The following MOG variants were observed in gnomAD, a reference collection of about 807,000 sequenced individuals.
MOG encodes myelin oligodendrocyte glycoprotein, also known as myelin-oligodendrocyte glycoprotein.
A neutral mutation model predicts 35.9 loss-of-function variants in MOG; 20 were observed. The observed-to-expected ratio is 0.56, with a 90% CI of 0.39 to 0.81. MOG has a LOEUF of 0.81. MOG is among the 30% of genes least tolerant of loss of function. The pLI is 0.00. For synonymous variants in MOG, 92 were observed against 114.3 expected (o/e 0.80, Z 1.25); for missense variants, 251 against 301.0 (o/e 0.83, Z 1.23).
chr6:29,667,957 C>T (rs1161013715), intron 5 of MOG, 33 bp downstream of exon 5: 1 of 1,611,364 alleles, frequency 6.2e-7, no homozygotes, highest in Non-Finnish European at 8.5e-7. Context: ...CCTCCCAGGT[C>T]AACTTGGTAT....
At chr6:29,661,175 G>T (rs184130677) in intron 2 of MOG, among the ~76,000 whole-genome samples, 1 of 152,182 alleles carries the variant, frequency 6.6e-6, no homozygotes, top group South Asian at 2.1e-4. Context: ...AGAGCCTGGG[G>T]GTCAGATCCT....
At chr6:29,661,996 T>C in intron 2 of MOG, 1 of 985,402 alleles carries the variant, frequency 1.0e-6, no homozygotes, top group Non-Finnish European at 1.2e-6. Context: ...TGTCTAGGCT[T>C]TGGAGCCAGG....
chr6:29,669,284 ATTTCTTTC>A (rs71820879), intron 5 of MOG, among the ~76,000 whole-genome samples: 7,546 of 151,006 alleles, frequency 0.05, 317 homozygotes, highest in East Asian at 0.17. Context: ...ATAACCTGTA[ATTTCTTTC>A]TTTCTTTCTT....
chr6:29,660,707 CTT>C (rs9278230), intron 2 of MOG, among the ~76,000 whole-genome samples: 73 of 141,268 alleles, frequency 5.2e-4, no homozygotes, highest in African/African-American at 1.7e-3. Flanking sequence ...TGCAGAATTT[CTT>C]TTTTTTTTTC....
Position 29,659,477 on chromosome 6 carries a change from G to T in MOG, c.247G>T (p.Gly83Cys). Residue 83 changes from glycine (G) to cysteine (C), a missense_variant, in exon 2 of 8, where the codon GGC (glycine) becomes TGC (cysteine). Transcript: ENST00000376917. ...FSRVVHLYRN[G>C]KDQDGDQAPE... ...TAGGGTGGTTCATCTCTACAGAAATGGCAAGGACCAAGATGGAGACCAGGC... is the reference window on the plus strand; with the variant it reads ...TAGGGTGGTTCATCTCTACAGAAATTGCAAGGACCAAGATGGAGACCAGGC... 4 of 1,613,074 alleles carry T rather than the reference G, an allele frequency of 2.5e-6. No individual in the cohort carries two copies. The highest frequency in any genetic ancestry group is 2.5e-6 in the Non-Finnish European group (3 of 1,180,034).
chr6:29,670,834 G>A lies in MOG; in HGVS notation c.730+113G>A, dbSNP rs760303785. 1 of 1,581,992 alleles carries A rather than the reference G, an allele frequency of 6.3e-7. No individual in the cohort carries two copies. The highest frequency in any genetic ancestry group is 1.1e-5 in the South Asian group (1 of 87,816). The stretch of plus-strand genomic sequence containing the variant: ...GGGATCACATTCCCAGAGGAAAGGA[G>A]GAGCTGGAGAGCCTGGGTGGAGGGA... On this transcript the variant is annotated intron_variant, in intron 7 of 7. Coordinates refer to ENST00000376917, the MANE Select transcript of MOG (RefSeq NM_206809.4). The surrounding 1 kb of genome is among the most constrained non-coding windows in gnomAD (Gnocchi z 4.2).
Position 29,662,612 on chromosome 6 carries a change from C to A in MOG, c.436+2946C>A, listed in dbSNP as rs1315651634. Reference sequence around the variant, plus strand: ...CCGGCTCCCCACTCATTACCACCCTCCCCTACTCAATTACTGAGGTAAATC... The same window carrying A: ...CCGGCTCCCCACTCATTACCACCCTACCCTACTCAATTACTGAGGTAAATC... On this transcript the variant is annotated intron_variant, in intron 2 of 7. Transcript: ENST00000376917. This position sits in a 1 kb window ranked among gnomAD's most constrained non-coding sequence, Gnocchi z 4.2. Among the ~76,000 whole-genome samples the A allele has an allele frequency of 6.6e-6, 1 of 152,184 alleles. No homozygotes were observed. The highest frequency in any genetic ancestry group is 2.4e-5 in the African/African-American group (1 of 41,448).
At chr6:29,657,573 T>G (rs1767388804) in intron 1 of MOG, among the ~76,000 whole-genome samples, 1 of 150,880 alleles carries the variant, frequency 6.6e-6, no homozygotes, top group East Asian at 1.9e-4. Flanking sequence ...AACCTCAGCC[T>G]CCCTGGTTCA....
At chr6:29,664,421 G>T (rs41291774) in intron 2 of MOG, among the ~76,000 whole-genome samples, 1 of 151,892 alleles carries the variant, frequency 6.6e-6, no homozygotes. Context: ...TGGCCAAGCC[G>T]GTCTCGAACT....
At position 29,664,210 on chromosome 6, in the gene MOG, A is replaced by AT. The variant is rs551437905; in HGVS notation, c.437-1939dup. On this transcript the variant is annotated intron_variant, in intron 2 of 7. Transcript: ENST00000376917. ...TTTTTCTTTTTTCTTTTATTTATTT[A>AT]TTTATTTTTTTTTTGAGATGGAGTT... Among the ~76,000 whole-genome samples, 251 of 145,580 alleles carry AT rather than the reference A, an allele frequency of 1.7e-3. 1 individual carries two copies. The highest frequency in any genetic ancestry group is 3.8e-3 in the African/African-American group (146 of 38,144).
intron 2 of MOG, 151 bp from the exon 3 acceptor site, chr6:29,666,001 G>T: frequency 1.4e-6 from 1 of 730,052 alleles, no homozygotes. Context: ...TTTCCTTCAG[G>T]GCTAAGCTCA....
In MOG at chr6:29,670,709, C is replaced by T. The variant is rs1193782059; in HGVS notation, c.718C>T (p.Leu240Phe). ...TTTCTTTTTGTTTTCAGGGCAATTCCTTGAAGAGCTACGTAAGTTCTCTTC... is the reference window on the plus strand; with the variant it reads ...TTTCTTTTTGTTTTCAGGGCAATTCTTTGAAGAGCTACGTAAGTTCTCTTC... Reference protein sequence around the residue: ...WLHRRLAGQFLEELRNPF With the variant: ...WLHRRLAGQFFEELRNPF Residue 240 changes from leucine to phenylalanine, a missense_variant, in exon 7 of 8, where the codon CTT becomes TTT. Transcript: ENST00000376917. This position sits in a 1 kb window ranked among gnomAD's most constrained non-coding sequence, Gnocchi z 4.2. 6 of 1,612,568 alleles carry T rather than the reference C, an allele frequency of 3.7e-6. No homozygotes were observed. The highest frequency in any genetic ancestry group is 5.1e-6 in the Non-Finnish European group (6 of 1,179,802).
Position 29,671,454 on chromosome 6 carries a change from C to A in MOG, c.*269C>A. ...CCTGGAAGCCCTCTCTGGCTAAGGA[C>A]AGGCAGGTGCCCCTCTCTCCATCAG... On this transcript the variant is annotated 3_prime_UTR_variant, in exon 8 of 8. Coordinates refer to ENST00000376917, the MANE Select transcript of MOG (RefSeq NM_206809.4). 3 of 1,580,712 alleles carry A rather than the reference C, an allele frequency of 1.9e-6. No homozygotes were observed. Among genetic ancestry groups the A allele is most frequent in the South Asian group, 2.2e-5 (2 of 90,382 alleles).
At chr6:29,668,971 A>G (rs1770815276) in intron 5 of MOG, among the ~76,000 whole-genome samples, 1 of 149,558 alleles carries the variant, frequency 6.7e-6, no homozygotes, top group Non-Finnish European at 1.5e-5. Context: ...CTTGTCACCC[A>G]GGCTGGAGTG....
At chr6:29,659,186 C>A in intron 1 of MOG, 133 bp from the exon 2 acceptor site, 1 of 773,580 alleles carries the variant, frequency 1.3e-6, no homozygotes. Flanking sequence ...TGCAATCCTC[C>A]CTGGCTCTAG....
At chr6:29,665,795 T>C (rs1770086463) in intron 2 of MOG, among the ~76,000 whole-genome samples, 1 of 151,892 alleles carries the variant, frequency 6.6e-6, no homozygotes, top group Non-Finnish European at 1.5e-5. Context: ...ATTTTAATTA[T>C]GCTTGTAGGC....
chr6:29,661,460 C>T, intron 2 of MOG: 9 of 985,326 alleles, frequency 9.1e-6, no homozygotes, highest in Non-Finnish European at 1.1e-5. Flanking sequence ...TTTCTCCTTC[C>T]TGCTCAACAA....
At position 29,670,965 on chromosome 6, in the gene MOG, C is replaced by T. The variant is rs1429680567; in HGVS notation, c.731-207C>T. On this transcript the variant is annotated intron_variant, in intron 7 of 7. Coordinates refer to ENST00000376917, the MANE Select transcript of MOG (RefSeq NM_206809.4). The surrounding 1 kb of genome is among the most constrained non-coding windows in gnomAD (Gnocchi z 4.2). The stretch of plus-strand genomic sequence containing the variant: ...CCTATCTGCCACCTGATCCATTCCT[C>T]CTTCACTGCCCCTAAGCAGGAATCC... 5.0e-6 allele frequency: 8 copies of T among 1,612,124 alleles called. No homozygotes were observed. The South Asian group carries it at 8.8e-5, about 18-fold the overall frequency.
At position 29,671,456 on chromosome 6, in the gene MOG, G is replaced by A; in HGVS notation, c.*271G>A. On this transcript the variant is annotated 3_prime_UTR_variant, in exon 8 of 8. Coordinates refer to ENST00000376917, the MANE Select transcript of MOG (RefSeq NM_206809.4). ...TGGAAGCCCTCTCTGGCTAAGGACAGGCAGGTGCCCCTCTCTCCATCAGAG... is the reference window on the plus strand; with the variant it reads ...TGGAAGCCCTCTCTGGCTAAGGACAAGCAGGTGCCCCTCTCTCCATCAGAG... 1.3e-6 allele frequency: 2 copies of A among 1,579,554 alleles called. No individual in the cohort carries two copies. The highest frequency in any genetic ancestry group is 1.7e-6 in the Non-Finnish European group (2 of 1,149,796).
Sources: allele counts gnomAD v4.1 joint callset (sites outside exome capture counted in the v4.1 genomes callset), GRCh38; gene constraint gnomAD v4.1.1; non-coding constraint Gnocchi (gnomAD v3.1); transcripts MANE v1.5; gene names NCBI Gene and HGNC (gene_info 2026-07-23, HGNC 2026-07-21).